The following SLC12A1 variants were observed in gnomAD, a reference collection of about 807,000 sequenced individuals.
The protein encoded by SLC12A1 is Na-K-2Cl cotransporter.
In SLC12A1, 89 loss-of-function variants were observed where a neutral mutation model predicts 130.4. The observed-to-expected ratio is 0.68, with a 90% CI of 0.58 to 0.81. The LOEUF is 0.81. SLC12A1 is among the 40% of genes least tolerant of loss of function. SLC12A1 has a pLI of 0.00. For missense variants in SLC12A1, 1,310 were observed against 1,336.4 expected, an observed-to-expected ratio of 0.98 and a Z score of 0.31; for synonymous variants, 499 against 460.0, an observed-to-expected ratio of 1.08 and a Z score of -1.09.
rs537935209 is a variant in SLC12A1, at chr15:48,216,480, A to C, written c.421-4154A>C. On this transcript the variant is annotated intron_variant, in intron 2 of 26. Transcript: ENST00000380993. ...CTAGCAGAGCAATTTCCCAGACCAAATCTTCAAGTTTAATCAGAAAACATA... is the reference window on the plus strand; with the variant it reads ...CTAGCAGAGCAATTTCCCAGACCAACTCTTCAAGTTTAATCAGAAAACATA... Among the ~76,000 whole-genome samples the C allele has an allele frequency of 2.0e-5, 3 of 152,280 alleles. No individual in the cohort carries two copies. The South Asian group carries it at 6.2e-4, about 32-fold the overall frequency.
At chr15:48,247,621 C>A (rs557407075) in intron 13 of SLC12A1, among the ~76,000 whole-genome samples, 161 bp downstream of exon 13, 2 of 152,108 alleles carry the variant, frequency 1.3e-5, no homozygotes, top group Middle Eastern at 3.2e-3. Flanking sequence ...GTGTAGAGGG[C>A]CTTTGAGGAA....
chr15:48,250,395 C>T (rs574041639), intron 14 of SLC12A1, among the ~76,000 whole-genome samples: 4 of 152,304 alleles, frequency 2.6e-5, no homozygotes, highest in Non-Finnish European at 1.5e-5. Flanking sequence ...GAAAAACTTG[C>T]TGCCAATAAG....
At chr15:48,264,923 A>C (rs2041816827) in intron 17 of SLC12A1, among the ~76,000 whole-genome samples, 1 of 152,180 alleles carries the variant, frequency 6.6e-6, no homozygotes, top group African/African-American at 2.4e-5. Context: ...CAAAGTTATA[A>C]TATATACAAG....
Position 48,291,849 on chromosome 15 carries a change from G to C in SLC12A1, c.2945G>C (p.Arg982Thr). 1.9e-6 allele frequency: 3 copies of C among 1,564,658 alleles called. No homozygotes were observed. The highest frequency in any genetic ancestry group is 2.6e-6 in the Non-Finnish European group (3 of 1,151,506). ...DIHIIGDINIRPNKESWKVFE... is the reference protein window; with the variant it reads ...DIHIIGDINITPNKESWKVFE... ...CATATCATCGGTGACATCAACATTA[G>C]GCCAAACAAAGAGAGGTATGAAATA... Residue 982 changes from arginine (R) to threonine (T), a missense_variant, in exon 24 of 27, where the codon AGG becomes ACG. Coordinates refer to ENST00000380993, the MANE Select transcript of SLC12A1 (RefSeq NM_000338.3).
chr15:48,282,094 A>T (rs2141107166), intron 20 of SLC12A1, among the ~76,000 whole-genome samples: 1 of 152,344 alleles, frequency 6.6e-6, no homozygotes, highest in Non-Finnish European at 1.5e-5. Context: ...ATAATTAAGA[A>T]TTAACTTGAA....
chr15:48,207,845 A>T lies in SLC12A1; in HGVS notation c.126A>T (p.Pro42=), dbSNP rs1380299890. The T allele has an allele frequency of 8.7e-6, 14 of 1,614,004 alleles. No homozygotes were observed. The highest frequency in any genetic ancestry group is 1.3e-5 in the African/African-American group (1 of 75,048). Residue 42 remains proline, a synonymous_variant, in exon 2 of 27, where the codon CCA becomes CCT. Coordinates refer to ENST00000380993, the MANE Select transcript of SLC12A1 (RefSeq NM_000338.3). The stretch of plus-strand genomic sequence containing the variant: ...CAGCTGCAGATGACAATACTGACCC[A>T]CCACATTATGAAGAAACCTCTTTTG... ...SSAAADDNTD[P]PHYEETSFGD...
intron 19 of SLC12A1, among the ~76,000 whole-genome samples, chr15:48,271,356 T>A (rs769211416): frequency 1.1e-4 from 16 of 152,196 alleles, no homozygotes; most frequent in Non-Finnish European, 1.6e-4. Flanking sequence ...GTGTCTGGGA[T>A]CTGGCTGCAC....
intron 19 of SLC12A1, among the ~76,000 whole-genome samples, chr15:48,274,167 T>C (rs1333592481): frequency 6.6e-6 from 1 of 152,182 alleles, no homozygotes; most frequent in Non-Finnish European, 1.5e-5. Context: ...GGAGTCCTTC[T>C]GGGAGGCGGC....
intron 8 of SLC12A1, among the ~76,000 whole-genome samples, chr15:48,233,490 C>A (rs2041403589): frequency 6.6e-6 from 1 of 152,220 alleles, no homozygotes. Context: ...GCATCACTGT[C>A]AGGCTTTCAG....
intron 5 of SLC12A1, chr15:48,228,575 G>T (rs982439791): frequency 8.4e-5 from 16 of 190,908 alleles, no homozygotes; most frequent in African/African-American, 3.3e-4. Flanking sequence ...TATATGTTTT[G>T]TATATATATG....
At chr15:48,257,013 ATGGGGATACAGGCATT>A (rs2041715417) in intron 16 of SLC12A1, among the ~76,000 whole-genome samples, 2 of 152,204 alleles carry the variant, frequency 1.3e-5, no homozygotes, top group South Asian at 4.1e-4. Context: ...CCTAGATACA[ATGGGGATACAGGCATT>A]TGGTAAATAC....
chr15:48,268,527 G>A (rs2041858302), intron 18 of SLC12A1, among the ~76,000 whole-genome samples: 1 of 152,132 alleles, frequency 6.6e-6, no homozygotes, highest in African/African-American at 2.4e-5. Flanking sequence ...TGCGCATGCA[G>A]GCAGGAAAGA....
At chr15:48,216,441 T>C (rs1376499048) in intron 2 of SLC12A1, among the ~76,000 whole-genome samples, 1 of 152,174 alleles carries the variant, frequency 6.6e-6, no homozygotes, top group Admixed American at 6.5e-5. Flanking sequence ...ACAATCACCA[T>C]TGGAGTTTAT....
At chr15:48,287,945 G>A (rs2042076610) in intron 21 of SLC12A1, 98 bp from the exon 22 acceptor site, 1 of 1,318,918 alleles carries the variant, frequency 7.6e-7, no homozygotes, top group Non-Finnish European at 1.0e-6. Context: ...ACATGAATCT[G>A]TGACCTTTTC....
chr15:48,262,744 A>G (rs1190392643), intron 17 of SLC12A1, among the ~76,000 whole-genome samples: 2 of 152,324 alleles, frequency 1.3e-5, no homozygotes, highest in East Asian at 3.9e-4. Context: ...TATGTGGGTC[A>G]TTTGTTCTTT....
At chr15:48,271,894 G>A (rs1302062867) in intron 19 of SLC12A1, among the ~76,000 whole-genome samples, 1 of 152,186 alleles carries the variant, frequency 6.6e-6, no homozygotes, top group Non-Finnish European at 1.5e-5. Flanking sequence ...AGATTCTTCA[G>A]TAAAATTTCA....
intron 17 of SLC12A1, among the ~76,000 whole-genome samples, chr15:48,266,627 C>A (rs1197061863): frequency 6.6e-6 from 1 of 152,196 alleles, no homozygotes; most frequent in East Asian, 1.9e-4. Context: ...ATCAAGATCC[C>A]AAGTGATTCA....
intron 16 of SLC12A1, 142 bp from the exon 17 acceptor site, chr15:48,259,058 T>C (rs2041740694): frequency 1.7e-6 from 1 of 604,588 alleles, no homozygotes; most frequent in Non-Finnish European, 3.0e-6. Context: ...GATTCAAGAA[T>C]ACTGGTGCGA....
At chr15:48,282,113 T>G (rs2042013930) in intron 20 of SLC12A1, among the ~76,000 whole-genome samples, 1 of 152,142 alleles carries the variant, frequency 6.6e-6, no homozygotes, top group Non-Finnish European at 1.5e-5. Context: ...AATAAGAACT[T>G]GCGAAAATCA....
Sources: allele counts gnomAD v4.1 joint callset (sites outside exome capture counted in the v4.1 genomes callset), GRCh38; gene constraint gnomAD v4.1.1; transcripts MANE v1.5; gene names NCBI Gene and HGNC (gene_info 2026-07-23, HGNC 2026-07-21).